Variants in SMYD3 observed in about 807,000 individuals in gnomAD.
SMYD3 encodes SET and MYND domain containing 3, also known as histone-lysine N-methyltransferase SMYD3.
Under a neutral mutation model 57.7 loss-of-function variants are expected in SMYD3, and 36 were observed. That is an observed-to-expected ratio of 0.62 (90% CI 0.48 to 0.82). The LOEUF (loss-of-function observed/expected upper bound fraction) is 0.82, where lower values mean the gene tolerates loss of function less well. SMYD3 is among the 40% of genes least tolerant of loss of function. The probability of loss-of-function intolerance (pLI) is 0.00; values close to 1 mark genes in which losing one functional copy is unlikely to be tolerated. For synonymous variants in SMYD3, 211 were observed against 195.0 expected (o/e 1.08, Z -0.68); for missense variants, 515 against 538.8 (o/e 0.96, Z 0.44).
intron 5 of SMYD3, among the ~76,000 whole-genome samples, chr1:246,149,799 G>T (rs145575646): frequency 6.6e-6 from 1 of 152,118 alleles, no homozygotes; most frequent in Non-Finnish European, 1.5e-5. Context: ...TAGAGATCAC[G>T]ATTCTAAGGA....
At chr1:246,420,698 A>G (rs1316760854) in intron 1 of SMYD3, among the ~76,000 whole-genome samples, 2 of 152,230 alleles carry the variant, frequency 1.3e-5, no homozygotes, top group Non-Finnish European at 2.9e-5. Flanking sequence ...CCCACTAATA[A>G]AAACCTTTCA....
chr1:245,834,646 C>T lies in SMYD3; in HGVS notation c.1076+23850G>A, dbSNP rs144741573. Among the ~76,000 whole-genome samples, 40 of 152,294 alleles carry T rather than the reference C, an allele frequency of 2.6e-4. No homozygotes were observed. In the East Asian group the frequency reaches 7.7e-3, roughly 29 times the overall value. Reference sequence around the variant, plus strand: ...AGACATCCTAGCCAACCTCATTTCACAGTTCTGAGCAGCCCCAGTGGAGCA... The same window carrying T: ...AGACATCCTAGCCAACCTCATTTCATAGTTCTGAGCAGCCCCAGTGGAGCA... On this transcript the variant is annotated intron_variant, in intron 10 of 11. Transcript: ENST00000490107.
At chr1:246,092,437 G>C (rs553517517) in intron 5 of SMYD3, among the ~76,000 whole-genome samples, 1 of 152,172 alleles carries the variant, frequency 6.6e-6, no homozygotes, top group Non-Finnish European at 1.5e-5. Flanking sequence ...GAATAGAACA[G>C]AGAATCCAAA....
At chr1:246,337,386 T>C (rs1176495261) in intron 2 of SMYD3, among the ~76,000 whole-genome samples, 3 of 152,238 alleles carry the variant, frequency 2.0e-5, no homozygotes, top group African/African-American at 4.8e-5. Context: ...CTAACTCAGA[T>C]ATATCTATAT....
chr1:245,977,346 A>AAATGCCACC (rs1431501585), intron 5 of SMYD3, among the ~76,000 whole-genome samples: 1 of 152,196 alleles, frequency 6.6e-6, no homozygotes, highest in Non-Finnish European at 1.5e-5. Context: ...GCATGGCTTT[A>AAATGCCACC]AATGCCACCA....
intron 5 of SMYD3, among the ~76,000 whole-genome samples, chr1:246,174,890 C>T (rs2062407371): frequency 6.6e-6 from 1 of 152,142 alleles, no homozygotes; most frequent in Non-Finnish European, 1.5e-5. Context: ...CTCTGATCAC[C>T]AGTCGATGAA....
intron 5 of SMYD3, among the ~76,000 whole-genome samples, chr1:246,260,398 G>A (rs1003767310): frequency 6.6e-6 from 1 of 152,100 alleles, no homozygotes; most frequent in African/African-American, 2.4e-5. Flanking sequence ...TGTCCCTCAC[G>A]ATTCCAGTGG....
At chr1:245,790,868 A>T (rs890842567) in intron 10 of SMYD3, among the ~76,000 whole-genome samples, 2 of 151,938 alleles carry the variant, frequency 1.3e-5, no homozygotes, top group African/African-American at 4.8e-5. Context: ...AGATAAAATG[A>T]TTTTTTTTCT....
intron 1 of SMYD3, among the ~76,000 whole-genome samples, chr1:246,455,389 A>C (rs913502108): frequency 5.9e-5 from 9 of 152,264 alleles, no homozygotes; most frequent in African/African-American, 2.2e-4. Flanking sequence ...ATGTACATCA[A>C]GAAATTGTAT....
chr1:245,910,830 T>C (rs747708624), intron 8 of SMYD3, among the ~76,000 whole-genome samples: 2 of 152,042 alleles, frequency 1.3e-5, no homozygotes, highest in African/African-American at 2.4e-5. Flanking sequence ...ACTTCAGACA[T>C]TGAGCTGGGC....
chr1:246,031,593 C>T (rs1197685649), intron 5 of SMYD3, among the ~76,000 whole-genome samples: 3 of 151,982 alleles, frequency 2.0e-5, no homozygotes, highest in Non-Finnish European at 1.5e-5. Flanking sequence ...AAAAATTAGC[C>T]AGGCGTGGTG....
rs114370208 is a variant in SMYD3, at chr1:246,294,227, G to A, written c.531+32974C>T. Among the ~76,000 whole-genome samples the A allele has an allele frequency of 3.2e-3, 481 of 152,082 alleles. 4 individuals carry two copies. The highest frequency in any genetic ancestry group is 0.011 in the African/African-American group (453 of 41,470). ...AATGTCTTCCTCATTTCTAAATACCGGCGTCCCCAGCACATAGCACTCACT... is the reference window on the plus strand; with the variant it reads ...AATGTCTTCCTCATTTCTAAATACCAGCGTCCCCAGCACATAGCACTCACT... On this transcript the variant is annotated intron_variant, in intron 5 of 11. Transcript: ENST00000490107.
chr1:245,918,430 A>G (rs1433311888), intron 7 of SMYD3, among the ~76,000 whole-genome samples: 1 of 152,144 alleles, frequency 6.6e-6, no homozygotes, highest in African/African-American at 2.4e-5. Context: ...GCACCGTCAA[A>G]CCTAAAATAC....
chr1:245,920,250 T>C (rs2055801068), intron 7 of SMYD3, among the ~76,000 whole-genome samples: 1 of 143,118 alleles, frequency 7.0e-6, no homozygotes, highest in Non-Finnish European at 1.5e-5. Flanking sequence ...GAGGCGGAGC[T>C]TGCAGTGAGA....
At chr1:246,223,148 G>A (rs923838209) in intron 5 of SMYD3, among the ~76,000 whole-genome samples, 5 of 152,112 alleles carry the variant, frequency 3.3e-5, no homozygotes, top group African/African-American at 1.2e-4. Context: ...GGGGAACAGA[G>A]GTCTCCTCAG....
rs10924519 is a variant in SMYD3, at chr1:246,151,801, T to G, written c.531+175400A>C. Among the ~76,000 whole-genome samples, 1,320 of 152,352 alleles carry G rather than the reference T, an allele frequency of 8.7e-3. 19 individuals are homozygous for G. The highest frequency in any genetic ancestry group is 0.03 in the African/African-American group (1,243 of 41,582). On this transcript the variant is annotated intron_variant, in intron 5 of 11. Transcript: ENST00000490107. The stretch of plus-strand genomic sequence containing the variant: ...GCATTCCCAAGGATTCAGGCGTATG[T>G]AGGCCTGTCTGGCATTCTACTAGGC...
rs184161260 is a variant in SMYD3, at chr1:246,170,979, C to A, written c.531+156222G>T. On this transcript the variant is annotated intron_variant, in intron 5 of 11. Coordinates refer to ENST00000490107, the MANE Select transcript of SMYD3 (RefSeq NM_001167740.2). The stretch of plus-strand genomic sequence containing the variant: ...AACAACCCTCTAATTTTTTTTAAAC[C>A]AGAAGATTATTTTCTATGGTTTCAT... Among the ~76,000 whole-genome samples the A allele has an allele frequency of 2.7e-3, 410 of 151,846 alleles. 3 individuals carry two copies. The highest frequency in any genetic ancestry group is 4.6e-3 in the Non-Finnish European group (314 of 67,942).
rs1206135380 is a variant in SMYD3, at chr1:246,076,734, A to AC, written c.532-146798dup. On this transcript the variant is annotated intron_variant, in intron 5 of 11. Coordinates refer to ENST00000490107, the MANE Select transcript of SMYD3 (RefSeq NM_001167740.2). ...CCCTTTGGATGAGATAGAAAACAGA[A>AC]CAAAAAAAATGAAAAAAAATGCTTT... is the stretch of plus-strand genomic sequence containing the variant. Among the ~76,000 whole-genome samples, 23 of 152,102 alleles carry AC rather than the reference A, an allele frequency of 1.5e-4. No homozygotes were observed. The East Asian group carries it at 2.7e-3, about 18-fold the overall frequency.
chr1:245,858,562 G>GCAT lies in SMYD3; in HGVS notation c.1007_1009dup (p.Asp336dup). 6 of 1,614,202 alleles carry GCAT rather than the reference G, an allele frequency of 3.7e-6. No individual in the cohort carries two copies. The highest frequency in any genetic ancestry group is 5.1e-6 in the Non-Finnish European group (6 of 1,180,038). ...CTCCAACAGGCCGAGGTTGATGCAG[G>GCAT]CATCCATGGCGCAGTCGAGCACCTT... On this transcript the variant is annotated inframe_insertion, in exon 10 of 12. Coordinates refer to ENST00000490107, the MANE Select transcript of SMYD3 (RefSeq NM_001167740.2).
Sources: allele counts gnomAD v4.1 joint callset (sites outside exome capture counted in the v4.1 genomes callset), GRCh38; gene constraint gnomAD v4.1.1; transcripts MANE v1.5; gene names NCBI Gene and HGNC (gene_info 2026-07-23, HGNC 2026-07-21).